Variants in CUL2 observed in about 807,000 individuals in gnomAD.
CUL2 encodes the protein cullin-2.
CUL2 carries 22 observed loss-of-function variants against 110.2 expected under a neutral mutation model. The observed-to-expected ratio is 0.20, with a 90% CI of 0.14 to 0.28. The LOEUF is 0.28. Among genes scored for constraint, CUL2 ranks in the 10% least tolerant of loss-of-function variants. The probability of loss-of-function intolerance (pLI) is 1.00; values close to 1 mark genes in which losing one functional copy is unlikely to be tolerated. For synonymous variants in CUL2, 279 were observed against 293.2 expected, an observed-to-expected ratio of 0.95 and a Z score of 0.49; for missense variants, 631 against 905.5, an observed-to-expected ratio of 0.70 and a Z score of 3.89.
At chr10:35,023,203 C>G (rs926662376) in intron 17 of CUL2, among the ~76,000 whole-genome samples, 1 of 152,122 alleles carries the variant, frequency 6.6e-6, no homozygotes, top group African/African-American at 2.4e-5. Flanking sequence ...ACACTGTACA[C>G]TGTAAACAGA....
intron 18 of CUL2, among the ~76,000 whole-genome samples, chr10:35,015,313 C>T (rs2084999593): frequency 2.6e-5 from 4 of 150,946 alleles, no homozygotes; most frequent in Admixed American, 6.6e-5. Flanking sequence ...AAAAAAAAAT[C>T]CATATTTTGC....
At chr10:35,125,510 G>A (rs2087753952) in intron 1 of CUL2, among the ~76,000 whole-genome samples, 1 of 152,220 alleles carries the variant, frequency 6.6e-6, no homozygotes, top group Admixed American at 6.5e-5. Flanking sequence ...CAAAGGTTCA[G>A]ATTGGATTTA....
chr10:35,107,112 C>G (rs931291289), intron 1 of CUL2, among the ~76,000 whole-genome samples: 1 of 152,056 alleles, frequency 6.6e-6, no homozygotes, highest in Non-Finnish European at 1.5e-5. Flanking sequence ...GTAGCTGGGA[C>G]TACATGCGCC....
At position 35,032,401 on chromosome 10, in the gene CUL2, C is replaced by T. The variant is rs1044217741; in HGVS notation, c.1170+34G>A. On this transcript the variant is annotated intron_variant, in intron 12 of 20. Transcript: ENST00000374749. ...TTCTCATTTTCTAATACTGACTTTT[C>T]ATAAGATTACTTTTCAGCAACCACC... The T allele has an allele frequency of 2.6e-6, 4 of 1,553,872 alleles. No individual in the cohort carries two copies. In the African/African-American group the frequency reaches 4.2e-5, roughly 16 times the overall value.
intron 4 of CUL2, among the ~76,000 whole-genome samples, chr10:35,056,677 T>C (rs1040622705): frequency 1.8e-4 from 28 of 152,146 alleles, no homozygotes; most frequent in African/African-American, 6.8e-4. Flanking sequence ...TGGTACAATA[T>C]ACAAACAAAT....
chr10:35,010,162 ATGACG>A lies in CUL2; in HGVS notation c.*144_*148del, dbSNP rs2084863924. ...TCTCTAGGCATTTTCTTTGACGCTC[ATGACG>A]TGGCACTGGTGATGTTGTAAACAGC... On this transcript the variant is annotated 3_prime_UTR_variant, in exon 21 of 21. Transcript: ENST00000374749. 1 of 578,044 alleles carries A rather than the reference ATGACG, an allele frequency of 1.7e-6. No homozygotes were observed. The highest frequency in any genetic ancestry group is 4.3e-5 in the Admixed American group (1 of 23,258). The allele number at this position is 578,044 out of a possible 1,614,324, so 35.8% of individuals were successfully genotyped here.
chr10:35,054,996 G>A (rs1486876091), intron 4 of CUL2, among the ~76,000 whole-genome samples: 1 of 152,150 alleles, frequency 6.6e-6, no homozygotes, highest in Non-Finnish European at 1.5e-5. Context: ...CAGTGTTACA[G>A]ATAGTAAGTA....
chr10:35,044,694 A>T lies in CUL2; in HGVS notation c.604-18T>A. 6.3e-7 allele frequency: 1 copy of T among 1,584,198 alleles called. No individual in the cohort carries two copies. The highest frequency in any genetic ancestry group is 1.1e-5 in the South Asian group (1 of 88,806). On this transcript the variant is annotated intron_variant, in intron 7 of 20. Coordinates refer to ENST00000374749, the MANE Select transcript of CUL2 (RefSeq NM_003591.4). The stretch of plus-strand genomic sequence containing the variant: ...TGATAAAACTGAATAAATCAATTAC[A>T]TCATATTAGAAGAAATTAGAACAAG...
chr10:35,010,507 C>CCAAT, intron 20 of CUL2, 65 bp from the exon 21 acceptor site: 1 of 1,500,928 alleles, frequency 6.7e-7, no homozygotes, highest in East Asian at 2.5e-5. Flanking sequence ...TGACTTTTAA[C>CCAAT]CAATCAGTTT....
chr10:35,031,211 C>T lies in CUL2; in HGVS notation c.1386+89G>A. The T allele has an allele frequency of 3.8e-6, 3 of 790,904 alleles. No individual in the cohort carries two copies. Among genetic ancestry groups the T allele is most frequent in the Admixed American group, 2.8e-5 (1 of 36,242 alleles). 49.0% of individuals were successfully genotyped at this position (790,904 alleles called of 1,614,324 possible). A position where few individuals can be genotyped will look rare whatever the true frequency, so the allele number is the denominator to read the frequency against. On this transcript the variant is annotated intron_variant, in intron 14 of 20. Coordinates refer to ENST00000374749, the MANE Select transcript of CUL2 (RefSeq NM_003591.4). This position sits in a 1 kb window ranked among gnomAD's most constrained non-coding sequence, Gnocchi z 4.4. ...ACACATTTAACCAGATGAATTGTTT[C>T]CTGTTACTGTACACAATGCTGCAAT...
At chr10:35,057,355 A>G (rs1382100935) in intron 4 of CUL2, among the ~76,000 whole-genome samples, 3 of 151,812 alleles carry the variant, frequency 2.0e-5, no homozygotes, top group Non-Finnish European at 2.9e-5. Context: ...TTGAAATACA[A>G]TGTTTTAAAA....
intron 8 of CUL2, among the ~76,000 whole-genome samples, chr10:35,042,353 T>C (rs973395066): frequency 5.3e-5 from 8 of 152,168 alleles, no homozygotes; most frequent in Non-Finnish European, 1.0e-4. Context: ...TTTTAAAGAC[T>C]GTGTGGTGTT....
At chr10:35,012,053 C>A (rs950167050) in intron 19 of CUL2, 89 bp from the exon 20 acceptor site, 3 of 475,716 alleles carry the variant, frequency 6.3e-6, no homozygotes, top group Non-Finnish European at 3.6e-6. Context: ...AGTGCAAATA[C>A]TTTTTTTTTT....
intron 1 of CUL2, among the ~76,000 whole-genome samples, chr10:35,088,839 G>A (rs1488384357): frequency 6.6e-6 from 1 of 152,114 alleles, no homozygotes; most frequent in African/African-American, 2.4e-5. Flanking sequence ...TTGTAGAAAT[G>A]TTCCCCCAAC....
rs140820266 is a variant in CUL2, at chr10:35,076,712, T to C, written c.-22-5373A>G. 1.2e-4 allele frequency among the ~76,000 whole-genome samples: 18 copies of C among 152,272 alleles called. No homozygotes were observed. In the East Asian group the frequency reaches 3.3e-3, roughly 28 times the overall value. On this transcript the variant is annotated intron_variant, in intron 1 of 20. Transcript: ENST00000374749. The stretch of plus-strand genomic sequence containing the variant: ...ATTTTTTTCATCTGTTTTACATAAA[T>C]GGTATACTATTCAGATTGTTATATA...
chr10:35,119,978 A>C (rs184922273), intron 1 of CUL2: 1 of 152,136 alleles, frequency 6.6e-6, no homozygotes, highest in Admixed American at 6.6e-5. Flanking sequence ...TTTATTTCTT[A>C]TTCTTACCTT....
At chr10:35,040,141 G>A (rs558615354) in intron 8 of CUL2, among the ~76,000 whole-genome samples, 3 of 152,200 alleles carry the variant, frequency 2.0e-5, no homozygotes, top group South Asian at 2.1e-4. Flanking sequence ...CAATAAGAGC[G>A]AGGCTCTGTC....
At chr10:35,111,537 T>C (rs1319482012) in intron 1 of CUL2, among the ~76,000 whole-genome samples, 3 of 152,116 alleles carry the variant, frequency 2.0e-5, no homozygotes, top group African/African-American at 7.2e-5. Flanking sequence ...GGATTACAGG[T>C]GTAAGCCATT....
At chr10:35,077,299 A>ATAAT (rs2086843214) in intron 1 of CUL2, among the ~76,000 whole-genome samples, 1 of 150,710 alleles carries the variant, frequency 6.6e-6, no homozygotes, top group African/African-American at 2.4e-5. Flanking sequence ...GTCTCAAAAA[A>ATAAT]AAAAACAAAA....
Sources: gnomAD v4.1 joint callset for allele counts (sites outside exome capture counted in the v4.1 genomes callset) on GRCh38, gnomAD v4.1.1 for gene constraint, Gnocchi (gnomAD v3.1) non-coding constraint, MANE v1.5 for transcripts, NCBI Gene and HGNC (gene_info 2026-07-23, HGNC 2026-07-21) for gene names.